The following FAM187B variants were observed in gnomAD, a reference collection of about 807,000 sequenced individuals.
FAM187B encodes the protein protein FAM187B.
FAM187B carries 22 observed loss-of-function variants against 22.6 expected under a neutral mutation model. The ratio of observed to expected loss-of-function variants is 0.97; its 90% CI spans 0.70 to 1.39. The LOEUF (loss-of-function observed/expected upper bound fraction) is 1.39. Among genes scored for constraint, FAM187B ranks in the 40% most tolerant of loss-of-function variants. The pLI, the probability that FAM187B is intolerant of heterozygous loss-of-function variation, is 0.00. For synonymous variants in FAM187B, 192 were observed against 201.8 expected (o/e 0.95, Z 0.41); for missense variants, 433 against 462.1 (o/e 0.94, Z 0.58).
In FAM187B at chr19:35,227,960, T is replaced by C. The variant is rs141317302; in HGVS notation, c.721A>G (p.Arg241Gly). The C allele has an allele frequency of 1.3e-3, 2,089 of 1,603,942 alleles. 30 individuals are homozygous for C. The African/African-American group carries it at 0.025, about 19-fold the overall frequency. The change falls in exon 1 of 2, where the codon AGG (arginine) becomes GGG (glycine). Residue 241 changes from arginine to glycine, a missense_variant and splice_region_variant. Coordinates refer to ENST00000324675, the MANE Select transcript of FAM187B (RefSeq NM_152481.2). ...GGCCAGAGGCAGGGATTCCATCACC[T>C]GTACATGGATCCTAAGGGACAGTCG... is the stretch of plus-strand genomic sequence containing the variant. ...WLDCPLGSMY[R>G]PVNWRANDTP... is the part of the protein sequence containing the mutation.
At chr19:35,225,445 G>T (rs1194898094) in intron 1 of FAM187B, among the ~76,000 whole-genome samples, 1 of 152,006 alleles carries the variant, frequency 6.6e-6, no homozygotes, top group Admixed American at 6.6e-5. Context: ...CCCCTTACTG[G>T]CCCCACCCCT....
rs1275689618 is a variant in FAM187B, at chr19:35,224,805, T to G, written c.*20A>C. ...AGAGAGAACCGGAGGCCGGGTCCGC[T>G]TGTGCACCGGGGGCTCGCTTTATTT... On this transcript the variant is annotated 3_prime_UTR_variant, in exon 2 of 2. Transcript: ENST00000324675. The G allele has an allele frequency of 6.3e-7, 1 of 1,586,046 alleles. No individual in the cohort carries two copies. The highest frequency in any genetic ancestry group is 1.3e-5 in the African/African-American group (1 of 74,310).
chr19:35,228,195 G>C lies in FAM187B; in HGVS notation c.486C>G (p.Arg162=). The change falls in exon 1 of 2, where the codon CGC becomes CGG. Residue 162 remains arginine (R), a synonymous_variant. Coordinates refer to ENST00000324675, the MANE Select transcript of FAM187B (RefSeq NM_152481.2). ...GCTCCTCAATGTAGCGGTACCCCAG[G>C]CGTTTACACTCGCCCGGCTCCTCAC... is the stretch of plus-strand genomic sequence containing the variant. ...NRCEEPGECK[R]LGYRYIEEPL... 2 of 1,614,134 alleles carry C rather than the reference G, an allele frequency of 1.2e-6. No homozygotes were observed. The highest frequency in any genetic ancestry group is 1.7e-6 in the Non-Finnish European group (2 of 1,179,972).
intron 1 of FAM187B, among the ~76,000 whole-genome samples, chr19:35,225,779 C>T (rs1398454722): frequency 2.0e-5 from 3 of 152,154 alleles, no homozygotes; most frequent in Non-Finnish European, 2.9e-5. Context: ...GCACTGCACT[C>T]CAGCCTGGGT....
At chr19:35,226,317 G>C (rs2065661478) in intron 1 of FAM187B, among the ~76,000 whole-genome samples, 1 of 152,036 alleles carries the variant, frequency 6.6e-6, no homozygotes, top group African/African-American at 2.4e-5. Flanking sequence ...TAAAAACTTA[G>C]CCGGGTGTGG....
intron 1 of FAM187B, among the ~76,000 whole-genome samples, chr19:35,226,475 CAATAAT>C (rs1315046696): frequency 6.6e-6 from 1 of 151,992 alleles, no homozygotes; most frequent in Non-Finnish European, 1.5e-5. Flanking sequence ...ATAATAATAA[CAATAAT>C]AATAATAAAA....
chr19:35,227,409 G>A (rs1473468073), intron 1 of FAM187B, among the ~76,000 whole-genome samples: 3 of 151,980 alleles, frequency 2.0e-5, no homozygotes, highest in African/African-American at 7.3e-5. Context: ...TAGTAGAGAC[G>A]GGGTTTCACC....
In FAM187B at chr19:35,228,411, C is replaced by T. The variant is rs780223502; in HGVS notation, c.270G>A (p.Thr90=). 43 of 1,613,876 alleles carry T rather than the reference C, an allele frequency of 2.7e-5. No homozygotes were observed. The highest frequency in any genetic ancestry group is 3.0e-5 in the Non-Finnish European group (35 of 1,180,030). The change falls in exon 1 of 2, where the codon ACG becomes ACA. Residue 90 remains threonine (T), a synonymous_variant. Coordinates refer to ENST00000324675, the MANE Select transcript of FAM187B (RefSeq NM_152481.2). Reference sequence around the variant, plus strand: ...TCTTGTTCCAGCAGTGGTAGAGGCCCGTCTGGGAGGGCAATGGATCTTTAA... The same window carrying T: ...TCTTGTTCCAGCAGTGGTAGAGGCCTGTCTGGGAGGGCAATGGATCTTTAA... The part of the protein sequence containing the change: ...LLIKDPLPSQ[T]GLYHCWNKNG...
At chr19:35,227,879 C>T in intron 1 of FAM187B, 80 bp downstream of exon 1, 3 of 1,531,798 alleles carry the variant, frequency 2.0e-6, no homozygotes, top group East Asian at 4.5e-5. Flanking sequence ...AACGCCCACT[C>T]ATCCCTCTGC....
intron 1 of FAM187B, 24 bp from the exon 2 acceptor site, chr19:35,225,236 G>A (rs751609602): frequency 6.8e-7 from 1 of 1,463,716 alleles, no homozygotes; most frequent in South Asian, 1.4e-5. Flanking sequence ...AAGGTCAGGT[G>A]CAGGGCCAGG....
Position 35,225,164 on chromosome 19 carries a change from C to T in FAM187B, c.771G>A (p.Gln257=), listed in dbSNP as rs1203875527. ...AGGTGGTGAAGTCCTGGCCGGAGAG[C>T]TGGCTCTCCCACGTCAGGGGGGTGT... The part of the protein sequence containing the change: ...ANDTPLTWES[Q]LSGQDFTTFL... Residue 257 remains glutamine (Q), a synonymous_variant, in exon 2 of 2, where the codon CAG becomes CAA. Transcript: ENST00000324675. 1 of 1,548,648 alleles carries T rather than the reference C, an allele frequency of 6.5e-7. No individual in the cohort carries two copies. The highest frequency in any genetic ancestry group is 8.7e-7 in the Non-Finnish European group (1 of 1,147,504).
chr19:35,225,511 A>G (rs750000469), intron 1 of FAM187B, among the ~76,000 whole-genome samples: 6 of 152,038 alleles, frequency 3.9e-5, no homozygotes, highest in Non-Finnish European at 7.4e-5. Flanking sequence ...CCATTTCTTT[A>G]TGTAAAACTA....
At chr19:35,225,400 CCCACCCCTTACTGGCT>C (rs1339295518) in intron 1 of FAM187B, among the ~76,000 whole-genome samples, 188 bp from the exon 2 acceptor site, 1 of 151,820 alleles carries the variant, frequency 6.6e-6, no homozygotes, top group Non-Finnish European at 1.5e-5. Context: ...CGTTACTGGC[CCCACCCCTTACTGGCT>C]CCCCTCTTCC....
chr19:35,228,613 C>T lies in FAM187B; in HGVS notation c.68G>A (p.Ser23Asn), dbSNP rs150146551. ...APALGFYFSI[S>N]CPSGKQCQQA... ...TTGGCACTGCTTACCACTGGGGCAG[C>T]TGATGGAAAAGTAGAACCCCAGTGC... The change falls in exon 1 of 2, where the codon AGC (serine) becomes AAC (asparagine). Residue 23 changes from serine to asparagine, a missense_variant. By Grantham distance (46) the Ser-to-Asn change is conservative. Transcript: ENST00000324675. 1 of 1,613,966 alleles carries T rather than the reference C, an allele frequency of 6.2e-7. No individual in the cohort carries two copies. Among genetic ancestry groups the T allele is most frequent in the African/African-American group, 1.3e-5 (1 of 75,030 alleles).
intron 1 of FAM187B, among the ~76,000 whole-genome samples, 184 bp downstream of exon 1, chr19:35,227,775 C>T (rs1009951675): frequency 2.6e-5 from 4 of 152,198 alleles, no homozygotes; most frequent in East Asian, 1.9e-4. Context: ...TCTCCCATCC[C>T]GGCTCGCACC....
chr19:35,225,788 G>C (rs985550458), intron 1 of FAM187B, among the ~76,000 whole-genome samples: 1 of 151,866 alleles, frequency 6.6e-6, no homozygotes, highest in African/African-American at 2.4e-5. Flanking sequence ...TCCAGCCTGG[G>C]TGACAGAGCA....
At position 35,228,236 on chromosome 19, in the gene FAM187B, G is replaced by A. The variant is rs767219556; in HGVS notation, c.445C>T (p.Gln149Ter). The change falls in exon 1 of 2, where the codon CAG (glutamine) becomes TAG (stop). Residue 149 changes from glutamine (Q) to a stop codon, truncating the protein, a stop_gained. Transcript: ENST00000324675. LOFTEE classifies it high-confidence loss of function. ...QLIFTWWEPW[Q>*]DCNRCEEPGE... ...GGCTCCTCACAGCGGTTGCAGTCCT[G>A]CCAGGGCTCCCACCAGGTAAAAATG... The A allele has an allele frequency of 1.3e-5, 21 of 1,614,090 alleles. No individual in the cohort carries two copies. Among genetic ancestry groups the A allele is most frequent in the South Asian group, 4.4e-5 (4 of 91,090 alleles).
chr19:35,225,119 G>A lies in FAM187B; in HGVS notation c.816C>T (p.Gly272=), dbSNP rs756000177. ...DFTTFLDPST[G]GRQLQVFQPA... is the part of the protein sequence containing the mutation. Reference sequence around the variant, plus strand: ...GCTGGAAAACCTGCAGCTGCCTGCCGCCGGTGGAGGGGTCCAGAAAGGTGG... The same window carrying A: ...GCTGGAAAACCTGCAGCTGCCTGCCACCGGTGGAGGGGTCCAGAAAGGTGG... Residue 272 remains glycine, a synonymous_variant, in exon 2 of 2, where the codon GGC becomes GGT. Coordinates refer to ENST00000324675, the MANE Select transcript of FAM187B (RefSeq NM_152481.2). 263 of 1,604,442 alleles carry A rather than the reference G, an allele frequency of 1.6e-4. No homozygotes were observed. The highest frequency in any genetic ancestry group is 2.2e-4 in the Non-Finnish European group (254 of 1,175,196).
intron 1 of FAM187B, among the ~76,000 whole-genome samples, chr19:35,225,812 A>G (rs897432797): frequency 6.6e-6 from 1 of 151,972 alleles, no homozygotes; most frequent in Non-Finnish European, 1.5e-5. Flanking sequence ...CCCTGTCCCA[A>G]AAAAGAAAAC....
Sources: gnomAD v4.1 joint callset for allele counts (sites outside exome capture counted in the v4.1 genomes callset) on GRCh38, gnomAD v4.1.1 for gene constraint, MANE v1.5 for transcripts, NCBI Gene and HGNC (gene_info 2026-07-23, HGNC 2026-07-21) for gene names.